The following CDH13 variants were observed in gnomAD, a reference collection of about 807,000 sequenced individuals.
CDH13 encodes the protein cadherin-13.
A neutral mutation model predicts 63.8 loss-of-function variants in CDH13; 24 were observed. The observed-to-expected ratio is 0.38, with a 90% CI of 0.27 to 0.53. The LOEUF (loss-of-function observed/expected upper bound fraction) is 0.53. CDH13 is among the 20% of genes least tolerant of loss of function. The probability of loss-of-function intolerance (pLI) is 0.85; values close to 1 mark genes in which losing one functional copy is unlikely to be tolerated. For missense variants in CDH13, 1,049 were observed against 903.1 expected (o/e 1.16, Z -2.07); for synonymous variants, 503 against 355.3 (o/e 1.42, Z -4.67).
chr16:83,465,681 A>G (rs941993024), intron 6 of CDH13, among the ~76,000 whole-genome samples: 4 of 152,238 alleles, frequency 2.6e-5, no homozygotes, highest in African/African-American at 7.2e-5. Flanking sequence ...CCATCAGCTC[A>G]GAGACAATTG....
At chr16:83,751,603 A>G (rs1448519242) in intron 11 of CDH13, among the ~76,000 whole-genome samples, 4 of 152,240 alleles carry the variant, frequency 2.6e-5, no homozygotes, top group Non-Finnish European at 5.9e-5. Flanking sequence ...TTAGTTGGGG[A>G]AAAGTCAGCC....
chr16:83,374,183 A>G (rs1474737536), intron 6 of CDH13, among the ~76,000 whole-genome samples: 1 of 152,158 alleles, frequency 6.6e-6, no homozygotes, highest in African/African-American at 2.4e-5. Context: ...TCTTAGTCCA[A>G]CCCCTTAGCC....
At chr16:83,058,973 T>C (rs780517404) in intron 3 of CDH13, among the ~76,000 whole-genome samples, 5 of 152,162 alleles carry the variant, frequency 3.3e-5, no homozygotes, top group Non-Finnish European at 5.9e-5. Flanking sequence ...CATTCAAAGA[T>C]GGATGTCCCG....
chr16:82,880,608 C>G (rs974992316), intron 2 of CDH13, among the ~76,000 whole-genome samples: 19 of 152,286 alleles, frequency 1.2e-4, no homozygotes, highest in Middle Eastern at 3.4e-3. Flanking sequence ...CCAGCTGCTA[C>G]TCTAATAGCC....
At position 82,953,258 on chromosome 16, in the gene CDH13, A is replaced by T. The variant is rs150001995; in HGVS notation, c.158-78752A>T. ...ATATCCATTTATCCTTTATTTTCTC[A>T]TCATATACAGAAAGGTTATTGCCAA... On this transcript the variant is annotated intron_variant, in intron 2 of 13. Transcript: ENST00000567109. The T allele has an allele frequency of 4.2e-3, 635 of 152,282 alleles. 1 individual carries two copies. The highest frequency in any genetic ancestry group is 0.014 in the African/African-American group (591 of 41,558). The allele number at this position is 152,282 out of a possible 1,614,324, so 9.4% of individuals were successfully genotyped here. A position where few individuals can be genotyped will look rare whatever the true frequency, so the allele number is the denominator to read the frequency against.
chr16:83,748,362 GT>G (rs1597170353), intron 11 of CDH13, 112 bp downstream of exon 11: 1 of 939,272 alleles, frequency 1.1e-6, no homozygotes, highest in Non-Finnish European at 1.6e-6. Context: ...GAATGTAAGT[GT>G]GTGGGAACAG....
chr16:82,710,060 C>T (rs574721378), intron 1 of CDH13, among the ~76,000 whole-genome samples: 263 of 150,776 alleles, frequency 1.7e-3, no homozygotes, highest in African/African-American at 6.2e-3. Context: ...CACACACACA[C>T]ACTACACACA....
At chr16:83,235,380 A>G (rs889629245) in intron 5 of CDH13, among the ~76,000 whole-genome samples, 2 of 152,254 alleles carry the variant, frequency 1.3e-5, no homozygotes, top group African/African-American at 2.4e-5. Flanking sequence ...GAGCGTTGCT[A>G]TGAGTTTTGA....
intron 1 of CDH13, among the ~76,000 whole-genome samples, chr16:82,706,727 C>T (rs931983366): frequency 5.3e-5 from 8 of 151,812 alleles, no homozygotes; most frequent in Non-Finnish European, 1.0e-4. Context: ...TTGGTTGAAC[C>T]CAGGAGACGG....
In CDH13 at chr16:83,133,816, T is replaced by A. The variant is rs559288219; in HGVS notation, c.483+8315T>A. ...GCCCGGCCCATGGAATTTTACTTGA[T>A]CTCTTTTATACATTGTTTATACATC... On this transcript the variant is annotated intron_variant, in intron 4 of 13. Transcript: ENST00000567109. Among the ~76,000 whole-genome samples the A allele has an allele frequency of 2.0e-5, 3 of 152,304 alleles. No individual in the cohort carries two copies. In the South Asian group the frequency reaches 6.2e-4, roughly 32 times the overall value.
chr16:83,149,105 T>C (rs6565140), intron 4 of CDH13, among the ~76,000 whole-genome samples: 7,868 of 152,246 alleles, frequency 0.052, 653 homozygotes, highest in African/African-American at 0.18. Context: ...TATGGCTACA[T>C]GTTACTCCAA....
chr16:82,764,263 G>A (rs1260403226), intron 1 of CDH13, among the ~76,000 whole-genome samples: 2 of 152,180 alleles, frequency 1.3e-5, no homozygotes, highest in Admixed American at 1.3e-4. Flanking sequence ...AGAACTGGGG[G>A]ATCTAGAAAC....
At chr16:83,185,711 G>A (rs936596328) in intron 4 of CDH13, among the ~76,000 whole-genome samples, 2 of 152,142 alleles carry the variant, frequency 1.3e-5, no homozygotes, top group Non-Finnish European at 2.9e-5. Flanking sequence ...TTATCATAAC[G>A]AGAACAGGAG....
At chr16:82,769,430 T>C (rs2035178038) in intron 1 of CDH13, among the ~76,000 whole-genome samples, 2 of 152,136 alleles carry the variant, frequency 1.3e-5, no homozygotes, top group Non-Finnish European at 2.9e-5. Context: ...AATGGGGTAT[T>C]AAAAAGGCTT....
At chr16:83,149,889 CT>C (rs1354726033) in intron 4 of CDH13, among the ~76,000 whole-genome samples, 2 of 152,166 alleles carry the variant, frequency 1.3e-5, no homozygotes, top group African/African-American at 2.4e-5. Flanking sequence ...CAAGTCAGGT[CT>C]TTTTTTCTTC....
rs1183849693 is a variant in CDH13, at chr16:83,607,040, T to A, written c.1101+4446T>A. 3.3e-5 allele frequency among the ~76,000 whole-genome samples: 5 copies of A among 151,984 alleles called. No individual in the cohort carries two copies. In the East Asian group the frequency reaches 9.7e-4, roughly 29 times the overall value. ...GGAGGCTGAGAAATAACTACAGTTG[T>A]CTTCAGTTGGTATGTTGCATTTATA... is the stretch of plus-strand genomic sequence containing the variant. On this transcript the variant is annotated intron_variant, in intron 8 of 13. Transcript: ENST00000567109.
At chr16:82,831,186 A>C (rs2151113950) in intron 1 of CDH13, among the ~76,000 whole-genome samples, 1 of 152,264 alleles carries the variant, frequency 6.6e-6, no homozygotes, top group African/African-American at 2.4e-5. Flanking sequence ...TGATTTGCAT[A>C]CACAGTGGCA....
intron 2 of CDH13, among the ~76,000 whole-genome samples, chr16:82,976,873 G>T (rs1292215642): frequency 1.3e-5 from 2 of 152,192 alleles, no homozygotes; most frequent in East Asian, 1.9e-4. Context: ...CATTTGGTGA[G>T]TTGCGGGAAG....
intron 1 of CDH13, among the ~76,000 whole-genome samples, chr16:82,719,039 C>T (rs578199502): frequency 1.3e-5 from 2 of 152,304 alleles, no homozygotes; most frequent in South Asian, 2.1e-4. Flanking sequence ...ATCCTTCACA[C>T]TGAGGTCAAT....
Sources: allele counts gnomAD v4.1 joint callset (sites outside exome capture counted in the v4.1 genomes callset), GRCh38; gene constraint gnomAD v4.1.1; transcripts MANE v1.5; gene names NCBI Gene and HGNC (gene_info 2026-07-23, HGNC 2026-07-21).